Variants in LIPJ observed in about 807,000 individuals in gnomAD.
The protein encoded by LIPJ is lipase family member J, also known as lipase member J.
Under a neutral mutation model 39.8 loss-of-function variants are expected in LIPJ, and 33 were observed. The observed-to-expected ratio is 0.83, with a 90% CI of 0.63 to 1.11. LIPJ has a LOEUF of 1.11. Among genes scored for constraint, LIPJ ranks in the 50% least tolerant of loss-of-function variants. The probability of loss-of-function intolerance (pLI) is 0.00; values close to 1 mark genes in which losing one functional copy is unlikely to be tolerated. For missense variants in LIPJ, 422 were observed against 427.9 expected (o/e 0.99, Z 0.12); for synonymous variants, 128 against 139.2 (o/e 0.92, Z 0.57).
downstream of LIPJ, among the ~76,000 whole-genome samples, chr10:88,607,874 A>G (rs892350413): frequency 8.5e-5 from 13 of 152,264 alleles, no homozygotes; most frequent in African/African-American, 3.1e-4. Flanking sequence ...ATAAAAGTTC[A>G]GTAGACTGAA....
downstream of LIPJ, among the ~76,000 whole-genome samples, chr10:88,610,967 T>A (rs879209860): frequency 6.6e-6 from 1 of 152,088 alleles, no homozygotes; most frequent in Non-Finnish European, 1.5e-5. Context: ...GGCAAACATA[T>A]CTTAGAAGAG....
the LIPJ span, among the ~76,000 whole-genome samples, chr10:88,617,070 T>C: frequency 1.3e-5 from 2 of 152,116 alleles, no homozygotes; most frequent in Non-Finnish European, 2.9e-5. Flanking sequence ...AAACCTAAAA[T>C]TTAAGCTAAA....
upstream of LIPJ, among the ~76,000 whole-genome samples, chr10:88,584,851 T>G (rs1343255840): frequency 6.6e-6 from 1 of 152,174 alleles, no homozygotes; most frequent in African/African-American, 2.4e-5. Flanking sequence ...TAAAAATGTC[T>G]TTTTTTCAGG....
upstream of LIPJ, among the ~76,000 whole-genome samples, chr10:88,585,953 G>T (rs1203631599): frequency 6.6e-6 from 1 of 152,086 alleles, no homozygotes; most frequent in East Asian, 1.9e-4. Context: ...GTCTTCATTT[G>T]TTCTGTGCTT....
the LIPJ span, among the ~76,000 whole-genome samples, chr10:88,614,922 G>C: frequency 6.6e-6 from 1 of 152,110 alleles, no homozygotes; most frequent in Non-Finnish European, 1.5e-5. Flanking sequence ...TAAAATGACA[G>C]TGCCATATGG....
At chr10:88,588,768 A>G (rs1850992782) in intron 2 of LIPJ, among the ~76,000 whole-genome samples, 1 of 151,980 alleles carries the variant, frequency 6.6e-6, no homozygotes, top group South Asian at 2.1e-4. Context: ...AACTAAAATA[A>G]AATATTCAGT....
chr10:88,603,097 A>G (rs2134579759), intron 9 of LIPJ, among the ~76,000 whole-genome samples: 1 of 152,322 alleles, frequency 6.6e-6, no homozygotes, highest in African/African-American at 2.4e-5. Flanking sequence ...GTCTCAATAA[A>G]TAAATAAAAA....
chr10:88,613,828 A>ATCTG, the LIPJ span, among the ~76,000 whole-genome samples: 3 of 117,770 alleles, frequency 2.5e-5, no homozygotes, highest in Non-Finnish European at 5.2e-5. Flanking sequence ...ATATATATAT[A>ATCTG]TGTGTGTATA....
At chr10:88,606,700 A>G (rs769327197) in exon 11 of LIPJ, 1 of 1,612,724 alleles carries the variant, frequency 6.2e-7, no homozygotes, top group Non-Finnish European at 8.5e-7. Flanking sequence ...ACAACATGAC[A>G]AACATGAATG....
At chr10:88,593,690 C>G (rs770210888) in intron 4 of LIPJ, 3 of 301,048 alleles carry the variant, frequency 1.0e-5, no homozygotes, top group Non-Finnish European at 1.8e-5. Context: ...TTATTATTTT[C>G]TCTCAGTAAA....
At chr10:88,597,604 A>C (rs1257132634) in intron 8 of LIPJ, among the ~76,000 whole-genome samples, 2 of 151,894 alleles carry the variant, frequency 1.3e-5, no homozygotes, top group Non-Finnish European at 2.9e-5. Flanking sequence ...GCCAATATAG[A>C]CATTCAAAGA....
intron 4 of LIPJ, chr10:88,593,742 G>A (rs1590077483): frequency 4.6e-6 from 2 of 433,412 alleles, no homozygotes; most frequent in East Asian, 6.9e-5. Context: ...TGCTCACTTG[G>A]TTATTTGAAA....
intron 9 of LIPJ, 77 bp from the exon 10 acceptor site, chr10:88,605,556 T>A (rs1211010771): frequency 7.7e-6 from 7 of 911,876 alleles, no homozygotes; most frequent in Middle Eastern, 4.2e-4. Flanking sequence ...GGGGTATATA[T>A]GCATTGCATG....
upstream of LIPJ, chr10:88,583,038 C>T: frequency 6.2e-7 from 1 of 1,601,154 alleles, no homozygotes; most frequent in Non-Finnish European, 8.5e-7. Context: ...CCCGGCAGTC[C>T]TCTTTTCCCA....
chr10:88,591,118 C>T (rs1590075038), intron 3 of LIPJ, among the ~76,000 whole-genome samples: 1 of 149,218 alleles, frequency 6.7e-6, no homozygotes, highest in East Asian at 2.0e-4. Flanking sequence ...TGAGATATCT[C>T]TTTGAGGGTA....
chr10:88,605,195 G>C (rs1851619603), intron 9 of LIPJ, among the ~76,000 whole-genome samples: 1 of 152,150 alleles, frequency 6.6e-6, no homozygotes, highest in Non-Finnish European at 1.5e-5. Context: ...GAGGCTGTGA[G>C]TGTAAAGGGG....
At chr10:88,594,219 A>G in intron 5 of LIPJ, 75 bp downstream of exon 5, 1 of 1,081,558 alleles carries the variant, frequency 9.2e-7, no homozygotes, top group Non-Finnish European at 1.3e-6. Flanking sequence ...ATAAAATAAA[A>G]TTTAGGTCTT....
At chr10:88,583,401 T>C, upstream of LIPJ, 1 of 1,373,204 alleles carries the variant, frequency 7.3e-7, no homozygotes, top group South Asian at 1.6e-5. Flanking sequence ...GGAGCAAACC[T>C]GGGGCTGCGG....
downstream of LIPJ, among the ~76,000 whole-genome samples, chr10:88,609,864 A>T (rs199574556): frequency 1.4e-3 from 184 of 133,790 alleles, no homozygotes; most frequent in Middle Eastern, 3.9e-3. Flanking sequence ...ATGCCACTGC[A>T]CTCCAGCCTG....
Sources: gnomAD v4.1 joint callset for allele counts (sites outside exome capture counted in the v4.1 genomes callset) on GRCh38, gnomAD v4.1.1 for gene constraint, MANE v1.5 for transcripts, NCBI Gene and HGNC (gene_info 2026-07-23, HGNC 2026-07-21) for gene names.